Variants in PCDHA2 observed in about 807,000 individuals in gnomAD.
The protein encoded by PCDHA2 is protocadherin alpha 2, also known as protocadherin alpha-2.
Under a neutral mutation model 66.0 loss-of-function variants are expected in PCDHA2, and 58 were observed. That is an observed-to-expected ratio of 0.88 (90% CI 0.71 to 1.09). The LOEUF (loss-of-function observed/expected upper bound fraction) is 1.09, where lower values mean the gene tolerates loss of function less well. Ranked by LOEUF, PCDHA2 falls within the 50% of genes least tolerant of loss-of-function variation. The pLI, the probability that PCDHA2 is intolerant of heterozygous loss-of-function variation, is 0.00. For synonymous variants in PCDHA2, 634 were observed against 554.0 expected (o/e 1.14, Z -2.03); for missense variants, 1,267 against 1,242.3 (o/e 1.02, Z -0.30).
At chr5:140,864,698 T>A (rs2048569561) in intron 1 of PCDHA2, 1 of 152,250 alleles carries the variant, frequency 6.6e-6, no homozygotes, top group African/African-American at 2.4e-5. Flanking sequence ...CCAGTTTAAG[T>A]TGTTGAGCTC....
At chr5:140,958,905 A>G (rs1295198062) in intron 1 of PCDHA2, among the ~76,000 whole-genome samples, 1 of 149,390 alleles carries the variant, frequency 6.7e-6, no homozygotes, top group Non-Finnish European at 1.5e-5. Flanking sequence ...AGATACAGAA[A>G]AGTCTGCCTG....
At chr5:140,879,802 T>A (rs535783687) in intron 1 of PCDHA2, among the ~76,000 whole-genome samples, 1 of 152,330 alleles carries the variant, frequency 6.6e-6, no homozygotes, top group Non-Finnish European at 1.5e-5. Flanking sequence ...TCTTCCAGTT[T>A]CTATTGGCTG....
At chr5:140,896,262 T>C (rs2065465092) in intron 1 of PCDHA2, among the ~76,000 whole-genome samples, 2 of 152,258 alleles carry the variant, frequency 1.3e-5, no homozygotes, top group African/African-American at 4.8e-5. Flanking sequence ...TGTACACAGT[T>C]ATGGGATTTG....
At position 141,009,666 on chromosome 5, in the gene PCDHA2, G is replaced by T; in HGVS notation, c.2576G>T (p.Gly859Val). Residue 859 changes from glycine to valine, a missense_variant, in exon 4 of 4, where the codon GGT becomes GTT. Physicochemically the swap from Gly to Val is moderately radical, Grantham distance 109. Coordinates refer to ENST00000526136, the MANE Select transcript of PCDHA2 (RefSeq NM_018905.3). ...GAAGTGTCCCCTCCAGTCGGTGCGG[G>T]TGTCAACAGCAACAGCTGGACCTTT... ...AGEVSPPVGAGVNSNSWTFKY... is the reference protein window; with the variant it reads ...AGEVSPPVGAVVNSNSWTFKY... The T allele has an allele frequency of 1.2e-6, 2 of 1,614,080 alleles. No individual in the cohort carries two copies. The highest frequency in any genetic ancestry group is 1.7e-6 in the Non-Finnish European group (2 of 1,180,022).
At chr5:140,932,323 C>T (rs1259103502) in intron 1 of PCDHA2, among the ~76,000 whole-genome samples, 1 of 151,814 alleles carries the variant, frequency 6.6e-6, no homozygotes, top group Non-Finnish European at 1.5e-5. Flanking sequence ...ATTAATGTAG[C>T]AAAAATGCAT....
chr5:140,828,024 C>A, intron 1 of PCDHA2: 1 of 1,516,842 alleles, frequency 6.6e-7, no homozygotes, highest in Non-Finnish European at 8.8e-7. Context: ...TAATAAATTC[C>A]GGAACATACA....
Position 140,991,900 on chromosome 5 carries a change from ATCCC to A in PCDHA2, c.2536+9339_2536+9342del, listed in dbSNP as rs576684602. Reference sequence around the variant, plus strand: ...GGCTGCCATAACAAATTAACACAAAATCCCTTTTGCCATGTAACATAACATATTC... The same window carrying A: ...GGCTGCCATAACAAATTAACACAAAATTTTGCCATGTAACATAACATATTC... On this transcript the variant is annotated intron_variant, in intron 3 of 3. Coordinates refer to ENST00000526136, the MANE Select transcript of PCDHA2 (RefSeq NM_018905.3). Among the ~76,000 whole-genome samples, 390 of 152,250 alleles carry A rather than the reference ATCCC, an allele frequency of 2.6e-3. 2 individuals carry two copies. The highest frequency in any genetic ancestry group is 4.8e-3 in the South Asian group (23 of 4,818).
intron 1 of PCDHA2, chr5:140,843,724 A>G: frequency 6.4e-7 from 1 of 1,561,476 alleles, no homozygotes; most frequent in East Asian, 2.2e-5. Context: ...AAGTAAGTCC[A>G]TTTAAATTTA....
intron 1 of PCDHA2, among the ~76,000 whole-genome samples, chr5:140,840,246 A>T (rs189141178): frequency 2.6e-5 from 4 of 152,184 alleles, no homozygotes; most frequent in African/African-American, 9.6e-5. Context: ...TCACTATGCT[A>T]TAAAAATTGT....
At chr5:140,941,505 C>T (rs536733497) in intron 1 of PCDHA2, among the ~76,000 whole-genome samples, 11 of 151,390 alleles carry the variant, frequency 7.3e-5, no homozygotes, top group East Asian at 1.9e-4. Flanking sequence ...TTAGTAGAGA[C>T]GAGGTTTCAC....
Position 140,871,175 on chromosome 5 carries a change from C to A in PCDHA2, c.2388+73823C>A, listed in dbSNP as rs782460096. On this transcript the variant is annotated intron_variant, in intron 1 of 3. Coordinates refer to ENST00000526136, the MANE Select transcript of PCDHA2 (RefSeq NM_018905.3). The stretch of plus-strand genomic sequence containing the variant: ...GCGGGCGCCGCGAGCCCAGAGGCTG[C>A]GCTGGTGGATGTCAACGTGTACCTG... 1.4e-5 allele frequency: 22 copies of A among 1,613,402 alleles called. No individual in the cohort carries two copies. The highest frequency in any genetic ancestry group is 2.2e-5 in the South Asian group (2 of 91,092).
chr5:140,824,360 A>G, intron 1 of PCDHA2: 1 of 580,340 alleles, frequency 1.7e-6, no homozygotes. Flanking sequence ...ATTTTATATT[A>G]GCATTTGAAT....
chr5:140,801,679 A>C lies in PCDHA2; in HGVS notation c.2388+4327A>C, dbSNP rs781947710. The C allele has an allele frequency of 1.1e-5, 17 of 1,614,086 alleles. 1 individual carries two copies. The South Asian group carries it at 1.8e-4, about 17-fold the overall frequency. ...TCGCTAGAGGGCGCATCAGATGCAG[A>C]TATCGGAACAAATTCGTTGTTGACT... On this transcript the variant is annotated intron_variant, in intron 1 of 3. Transcript: ENST00000526136.
intron 1 of PCDHA2, chr5:140,809,437 C>T: frequency 6.2e-7 from 1 of 1,614,234 alleles, no homozygotes; most frequent in Non-Finnish European, 8.5e-7. Flanking sequence ...GCTGGTCATA[C>T]TCGCAGCAGA....
chr5:140,828,324 A>G (rs2150154033), intron 1 of PCDHA2: 15 of 1,614,076 alleles, frequency 9.3e-6, no homozygotes, highest in African/African-American at 1.3e-5. Context: ...CTGGAGGTAA[A>G]TCTGCAGAAT....
chr5:140,828,906 G>A (rs2150160526), intron 1 of PCDHA2: 13 of 1,614,242 alleles, frequency 8.1e-6, no homozygotes, highest in Non-Finnish European at 9.3e-6. Flanking sequence ...CGGGATGAAG[G>A]AGCGAATGGG....
intron 1 of PCDHA2, chr5:140,967,465 C>T: frequency 1.2e-6 from 2 of 1,613,512 alleles, no homozygotes; most frequent in Non-Finnish European, 1.7e-6. Flanking sequence ...TGGATGGGGG[C>T]ATCCCAGCCC....
At chr5:140,998,125 A>G (rs2097797565) in intron 3 of PCDHA2, among the ~76,000 whole-genome samples, 1 of 152,222 alleles carries the variant, frequency 6.6e-6, no homozygotes. Flanking sequence ...CTTGTGAATC[A>G]TAATAGCTAA....
intron 1 of PCDHA2, among the ~76,000 whole-genome samples, chr5:140,908,047 C>T (rs976734426): frequency 4.6e-5 from 7 of 152,208 alleles, no homozygotes; most frequent in African/African-American, 1.7e-4. Context: ...AATTGCACAT[C>T]CGGCCATTTC....
Sources: allele counts gnomAD v4.1 joint callset (sites outside exome capture counted in the v4.1 genomes callset), GRCh38; gene constraint gnomAD v4.1.1; transcripts MANE v1.5; gene names NCBI Gene and HGNC (gene_info 2026-07-23, HGNC 2026-07-21).